LRMDA: variants seen among roughly 807,000 people sequenced by gnomAD.
LRMDA encodes the protein leucine rich melanocyte differentiation associated.
Under a neutral mutation model 29.8 loss-of-function variants are expected in LRMDA, and 18 were observed. The observed-to-expected ratio is 0.60, with a 90% CI of 0.42 to 0.90. The LOEUF is 0.90. Ranked by LOEUF, LRMDA falls within the 40% of genes least tolerant of loss-of-function variation. LRMDA has a pLI of 0.00. For missense variants in LRMDA, 273 were observed against 273.9 expected (o/e 1.00, Z 0.02); for synonymous variants, 125 against 109.4 (o/e 1.14, Z -0.89).
intron 2 of LRMDA, among the ~76,000 whole-genome samples, chr10:75,644,096 C>T (rs1202221976): frequency 6.6e-6 from 1 of 152,168 alleles, no homozygotes; most frequent in African/African-American, 2.4e-5. Context: ...GGTGATTAGA[C>T]TTTGAAATAG....
chr10:76,173,682 A>T (rs1366443949), intron 5 of LRMDA, among the ~76,000 whole-genome samples: 1 of 152,046 alleles, frequency 6.6e-6, no homozygotes, highest in African/African-American at 2.4e-5. Flanking sequence ...TTTTTTTGAG[A>T]CGGAGTCTCA....
intron 5 of LRMDA, among the ~76,000 whole-genome samples, chr10:76,214,242 A>G (rs1249293295): frequency 6.6e-6 from 1 of 152,154 alleles, no homozygotes; most frequent in Non-Finnish European, 1.5e-5. Flanking sequence ...TCTCATCTGC[A>G]CAATGAAAGA....
intron 2 of LRMDA, among the ~76,000 whole-genome samples, chr10:75,635,382 C>G (rs983325528): frequency 6.6e-6 from 1 of 151,970 alleles, no homozygotes; most frequent in Admixed American, 6.6e-5. Flanking sequence ...CTTGTTTTCT[C>G]CCTTCTCTCT....
At chr10:76,380,472 A>G (rs2132470380) in intron 6 of LRMDA, among the ~76,000 whole-genome samples, 1 of 152,194 alleles carries the variant, frequency 6.6e-6, no homozygotes, top group South Asian at 2.1e-4. Flanking sequence ...GATCGAGACC[A>G]TCCTGGCTAA....
Position 76,307,716 on chromosome 10 carries a change from C to CT in LRMDA, c.517-16682dup, listed in dbSNP as rs145454136. ...TTGGAACTTACAGGAAAGAGAAACT[C>CT]TTTCTTTTGTCTTTGAAGATGGTGA... On this transcript the variant is annotated intron_variant, in intron 5 of 6. Transcript: ENST00000611255. 5.0e-3 allele frequency among the ~76,000 whole-genome samples: 755 copies of CT among 152,276 alleles called. 8 individuals carry two copies. Among genetic ancestry groups the CT allele is most frequent in the African/African-American group, 0.018 (731 of 41,554 alleles).
At chr10:75,456,129 T>G (rs1039905532) in intron 2 of LRMDA, among the ~76,000 whole-genome samples, 3 of 152,330 alleles carry the variant, frequency 2.0e-5, no homozygotes, top group Middle Eastern at 6.8e-3. Context: ...CCATCAAATT[T>G]TCACCCTGGA....
chr10:75,609,893 T>A (rs1156326471), intron 2 of LRMDA, among the ~76,000 whole-genome samples: 2 of 152,068 alleles, frequency 1.3e-5, no homozygotes, highest in Non-Finnish European at 2.9e-5. Flanking sequence ...ATTGGCCCAA[T>A]AAGGGAAAGA....
At chr10:75,745,262 CTCTT>C (rs1447250197) in intron 2 of LRMDA, among the ~76,000 whole-genome samples, 1 of 120,870 alleles carries the variant, frequency 8.3e-6, no homozygotes, top group Non-Finnish European at 1.9e-5. Context: ...ATCTCTCTCT[CTCTT>C]TCTCTCTCTC....
chr10:75,837,827 A>G (rs187628441), intron 2 of LRMDA, among the ~76,000 whole-genome samples: 1 of 152,068 alleles, frequency 6.6e-6, no homozygotes, highest in African/African-American at 2.4e-5. Flanking sequence ...GTAGGACCTT[A>G]GTAAATACTT....
At chr10:76,171,629 C>T (rs1239909310) in intron 5 of LRMDA, among the ~76,000 whole-genome samples, 6 of 152,308 alleles carry the variant, frequency 3.9e-5, no homozygotes, top group Admixed American at 2.6e-4. Context: ...GGATTTGAAA[C>T]GTAACCACAG....
intron 2 of LRMDA, among the ~76,000 whole-genome samples, chr10:75,936,887 T>C (rs1320418203): frequency 6.6e-6 from 1 of 152,214 alleles, no homozygotes; most frequent in Non-Finnish European, 1.5e-5. Context: ...ATTCAGATCA[T>C]AGCATTCAGC....
chr10:76,518,037 A>G (rs983915201), intron 6 of LRMDA, among the ~76,000 whole-genome samples: 3 of 151,600 alleles, frequency 2.0e-5, no homozygotes, highest in Admixed American at 2.0e-4. Flanking sequence ...ACATGTCTAA[A>G]GGGATCAACC....
chr10:75,946,991 G>C (rs2132415471), intron 2 of LRMDA, among the ~76,000 whole-genome samples: 1 of 152,288 alleles, frequency 6.6e-6, no homozygotes, highest in Non-Finnish European at 1.5e-5. Flanking sequence ...TAGCTGGTTA[G>C]GGGCAGAGAC....
Position 75,829,841 on chromosome 10 carries a change from C to CTTTTTTTT in LRMDA, c.132-206150_132-206143dup, listed in dbSNP as rs34025294. On this transcript the variant is annotated intron_variant, in intron 2 of 6. Coordinates refer to ENST00000611255, the MANE Select transcript of LRMDA (RefSeq NM_001305581.2). ...AATGCATACATTTTTGAATAGGCCA[C>CTTTTTTTT]TTTTTTTTTTTTTTTTTTTTTTTTG... Among the ~76,000 whole-genome samples the CTTTTTTTT allele has an allele frequency of 1.2e-4, 11 of 89,448 alleles. No homozygotes were observed. The East Asian group carries it at 1.4e-3, about 11-fold the overall frequency. The allele number at this position is 89,448 out of a possible 152,430, so 58.7% of individuals were successfully genotyped here. A position where few individuals can be genotyped will look rare whatever the true frequency, so the allele number is the denominator to read the frequency against.
intron 5 of LRMDA, among the ~76,000 whole-genome samples, chr10:76,130,795 G>A (rs534493810): frequency 6.6e-6 from 1 of 152,202 alleles, no homozygotes; most frequent in East Asian, 1.9e-4. Context: ...AAGTAGCTGG[G>A]ATTACAGGTG....
At chr10:75,829,262 A>G (rs1405978115) in intron 2 of LRMDA, among the ~76,000 whole-genome samples, 2 of 152,108 alleles carry the variant, frequency 1.3e-5, no homozygotes, top group African/African-American at 4.8e-5. Context: ...TCAACACTTC[A>G]GCTCCACACC....
chr10:75,580,589 A>C (rs561125835), intron 2 of LRMDA, among the ~76,000 whole-genome samples: 1 of 152,296 alleles, frequency 6.6e-6, no homozygotes, highest in African/African-American at 2.4e-5. Context: ...TATGGAACCA[A>C]AAAAAGAGCC....
intron 5 of LRMDA, among the ~76,000 whole-genome samples, chr10:76,072,253 G>C (rs1481854050): frequency 6.6e-6 from 1 of 152,140 alleles, no homozygotes; most frequent in African/African-American, 2.4e-5. Context: ...GAGGGCCCTG[G>C]ACAGGGAGTC....
chr10:76,340,220 T>G (rs565576090), intron 6 of LRMDA, among the ~76,000 whole-genome samples: 1 of 152,176 alleles, frequency 6.6e-6, no homozygotes. Flanking sequence ...TTACTAGTTA[T>G]AAAAAGAGAG....
Sources: gnomAD v4.1 joint callset for allele counts (sites outside exome capture counted in the v4.1 genomes callset) on GRCh38, gnomAD v4.1.1 for gene constraint, MANE v1.5 for transcripts, NCBI Gene and HGNC (gene_info 2026-07-23, HGNC 2026-07-21) for gene names.